MAST2: variants seen among roughly 807,000 people sequenced by gnomAD.
MAST2 encodes the protein microtubule-associated serine/threonine-protein kinase 2.
A neutral mutation model predicts 147.4 loss-of-function variants in MAST2; 70 were observed. The observed-to-expected ratio is 0.47, with a 90% CI of 0.39 to 0.58. The LOEUF is 0.58. Among genes scored for constraint, MAST2 ranks in the 20% least tolerant of loss-of-function variants. MAST2 has a pLI of 0.00. For synonymous variants in MAST2, 869 were observed against 896.8 expected (o/e 0.97, Z 0.55); for missense variants, 2,080 against 2,302.3 (o/e 0.90, Z 1.98).
At chr1:45,939,139 G>T (rs6686277) in intron 4 of MAST2, among the ~76,000 whole-genome samples, 2 of 151,180 alleles carry the variant, frequency 1.3e-5, no homozygotes, top group African/African-American at 2.4e-5. Context: ...TTTTCTTCCA[G>T]AAGTTTTACA....
chr1:45,874,581 T>C (rs1460100038), intron 3 of MAST2, among the ~76,000 whole-genome samples: 4 of 152,196 alleles, frequency 2.6e-5, no homozygotes, highest in Admixed American at 2.6e-4. Flanking sequence ...CAGGACCCTA[T>C]TGTCTTATAA....
chr1:45,913,462 G>A (rs1455111983), intron 4 of MAST2: 1 of 377,470 alleles, frequency 2.6e-6, no homozygotes, highest in Non-Finnish European at 3.6e-6. Context: ...AGGGTTGGAG[G>A]TTGCAACTGA....
intron 5 of MAST2, among the ~76,000 whole-genome samples, chr1:45,980,187 A>T (rs1240472328): frequency 1.4e-5 from 2 of 145,666 alleles, no homozygotes; most frequent in Non-Finnish European, 3.0e-5. Context: ...CAGGAGGCTG[A>T]GGCAGGAGAG....
At chr1:45,829,138 A>G (rs1644878981) in intron 2 of MAST2, among the ~76,000 whole-genome samples, 1 of 152,068 alleles carries the variant, frequency 6.6e-6, no homozygotes, top group African/African-American at 2.4e-5. Flanking sequence ...GCTAGAAGGG[A>G]TTGGAAAACT....
At chr1:45,827,975 G>A in intron 2 of MAST2, among the ~76,000 whole-genome samples, 1 of 151,768 alleles carries the variant, frequency 6.6e-6, no homozygotes, top group Non-Finnish European at 1.5e-5. Context: ...GGGACCACAG[G>A]CACACACCAC....
At position 46,000,645 on chromosome 1, in the gene MAST2, T is replaced by C. The variant is rs140928763; in HGVS notation, c.669-2160T>C. Among the ~76,000 whole-genome samples, 102 of 152,226 alleles carry C rather than the reference T, an allele frequency of 6.7e-4. 1 individual carries two copies. Among genetic ancestry groups the C allele is most frequent in the African/African-American group, 2.3e-3 (96 of 41,560 alleles). ...CTCTGGGCTGTCCTCTTATACAACA[T>C]AGTAAGAAAAGCTGCTGGTTATTGG... On this transcript the variant is annotated intron_variant, in intron 6 of 28. Coordinates refer to ENST00000361297, the MANE Select transcript of MAST2 (RefSeq NM_015112.3).
chr1:45,922,034 C>T (rs949963299), intron 4 of MAST2, among the ~76,000 whole-genome samples: 6 of 152,288 alleles, frequency 3.9e-5, no homozygotes, highest in East Asian at 1.9e-4. Flanking sequence ...CAGGTCCTCC[C>T]GTTGAGTGTT....
intron 4 of MAST2, among the ~76,000 whole-genome samples, chr1:45,931,745 CA>C (rs1369041500): frequency 1.3e-5 from 2 of 151,982 alleles, no homozygotes; most frequent in Non-Finnish European, 2.9e-5. Flanking sequence ...CCGCCCACCT[CA>C]GCCTCCCAAA....
At chr1:45,885,691 A>G (rs1315069011) in intron 4 of MAST2, among the ~76,000 whole-genome samples, 4 of 152,050 alleles carry the variant, frequency 2.6e-5, no homozygotes, top group Non-Finnish European at 2.9e-5. Context: ...GCCTCCATTC[A>G]CTTTGTCATT....
At chr1:45,878,146 G>A (rs975049775) in intron 3 of MAST2, among the ~76,000 whole-genome samples, 1 of 150,060 alleles carries the variant, frequency 6.7e-6, no homozygotes, top group Non-Finnish European at 1.5e-5. Context: ...AGAGGGTGCA[G>A]TGAGCAGAGA....
intron 4 of MAST2, among the ~76,000 whole-genome samples, chr1:45,951,607 A>C (rs540184894): frequency 3.3e-5 from 5 of 152,338 alleles, no homozygotes; most frequent in African/African-American, 1.2e-4. Context: ...AGAATATAAA[A>C]GAAGGAAACA....
chr1:46,021,917 G>A, intron 11 of MAST2, 33 bp from the exon 12 acceptor site: 8 of 1,611,578 alleles, frequency 5.0e-6, no homozygotes, highest in Non-Finnish European at 6.8e-6. Context: ...GCTTATATCT[G>A]TCACCACTGA....
Position 46,023,089 on chromosome 1 carries a change from A to G in MAST2, c.1485+118A>G. ...GATGGGGGAGTTGGTGACAGCAAAC[A>G]CTGAGAAGTCATTCTACTCCCAGAA... On this transcript the variant is annotated intron_variant, in intron 13 of 28. Transcript: ENST00000361297. This position sits in a 1 kb window ranked among gnomAD's most constrained non-coding sequence, Gnocchi z 4.9. The G allele has an allele frequency of 2.5e-6, 3 of 1,205,918 alleles. No individual in the cohort carries two copies. The highest frequency in any genetic ancestry group is 3.7e-6 in the Non-Finnish European group (3 of 815,758). The allele number at this position is 1,205,918 out of a possible 1,614,324, so 74.7% of individuals were successfully genotyped here. A position where few individuals can be genotyped will look rare whatever the true frequency, so the allele number is the denominator to read the frequency against.
intron 4 of MAST2, among the ~76,000 whole-genome samples, chr1:45,883,092 A>G (rs1646919112): frequency 6.6e-6 from 1 of 152,184 alleles, no homozygotes; most frequent in Admixed American, 6.5e-5. Context: ...GTATATACCT[A>G]AAACATACTC....
intron 3 of MAST2, among the ~76,000 whole-genome samples, chr1:45,839,129 A>ATTTTT (rs370950575): frequency 1.6e-5 from 2 of 127,608 alleles, no homozygotes; most frequent in African/African-American, 3.1e-5. Context: ...ACCATCACAA[A>ATTTTT]TTTTTTTTTT....
chr1:45,929,166 T>C (rs1054541274), intron 4 of MAST2, among the ~76,000 whole-genome samples: 3 of 152,212 alleles, frequency 2.0e-5, no homozygotes, highest in Non-Finnish European at 4.4e-5. Context: ...TGATTCTCCT[T>C]CCCTTTATTA....
intron 4 of MAST2, among the ~76,000 whole-genome samples, chr1:45,951,383 G>T (rs542031329): frequency 2.0e-5 from 3 of 152,256 alleles, no homozygotes; most frequent in African/African-American, 7.2e-5. Context: ...AGGAGTTCAA[G>T]ACCATCCCAG....
At chr1:45,972,100 A>T (rs1359689721) in intron 5 of MAST2, among the ~76,000 whole-genome samples, 1 of 152,160 alleles carries the variant, frequency 6.6e-6, no homozygotes, top group African/African-American at 2.4e-5. Flanking sequence ...ATGGAAGATG[A>T]CTAAGATCGT....
intron 3 of MAST2, among the ~76,000 whole-genome samples, chr1:45,840,636 T>G (rs543563498): frequency 6.6e-6 from 1 of 152,344 alleles, no homozygotes; most frequent in South Asian, 2.1e-4. Flanking sequence ...TAGTTAAATT[T>G]AGAGGCAGCC....
Sources: gnomAD v4.1 joint callset for allele counts (sites outside exome capture counted in the v4.1 genomes callset) on GRCh38, gnomAD v4.1.1 for gene constraint, Gnocchi (gnomAD v3.1) non-coding constraint, MANE v1.5 for transcripts, NCBI Gene and HGNC (gene_info 2026-07-23, HGNC 2026-07-21) for gene names.